The following HYDIN variants were observed in gnomAD, a reference collection of about 807,000 sequenced individuals.
HYDIN encodes axonemal central pair apparatus protein HYDIN.
In HYDIN, 132 loss-of-function variants were observed where a neutral mutation model predicts 403.9. That is an observed-to-expected ratio of 0.33 (90% CI 0.28 to 0.38). The LOEUF is 0.38. Among genes scored for constraint, HYDIN ranks in the 10% least tolerant of loss-of-function variants. The pLI is 1.00. For synonymous variants in HYDIN, 1,202 were observed against 1,891.7 expected (o/e 0.64, Z 9.46); for missense variants, 2,827 against 5,009.5 (o/e 0.56, Z 13.15).
At chr16:70,867,353 C>G (rs2039823427) in intron 66 of HYDIN, among the ~76,000 whole-genome samples, 1 of 137,066 alleles carries the variant, frequency 7.3e-6, no homozygotes, top group South Asian at 2.3e-4. Context: ...GGACATGGAT[C>G]AATAAGCTCT....
rs374866149 is a variant in HYDIN, at chr16:70,908,789, C to G, written c.8077G>C (p.Glu2693Gln). 2 of 1,614,224 alleles carry G rather than the reference C, an allele frequency of 1.2e-6. No individual in the cohort carries two copies. Among genetic ancestry groups the G allele is most frequent in the South Asian group, 2.2e-5 (2 of 91,086 alleles). Residue 2693 changes from glutamate to glutamine, a missense_variant, in exon 48 of 86, where the codon GAG becomes CAG. Physicochemically the swap from Glu to Gln is conservative, Grantham distance 29. Transcript: ENST00000393567. ...KMKEKIDQVF[E>Q]IQKDKRHMAL... is the part of the protein sequence containing the mutation. ...ATGTGACGCTTGTCTTTCTGAATCT[C>G]GAAGACTTGGTCTATCTTTTCTTTC... is the stretch of plus-strand genomic sequence containing the variant.
chr16:70,826,471 A>C (rs2036595400), intron 83 of HYDIN, among the ~76,000 whole-genome samples: 1 of 152,054 alleles, frequency 6.6e-6, no homozygotes, highest in Non-Finnish European at 1.5e-5. Context: ...ATATTCACTT[A>C]AAGTTTTCTG....
At chr16:70,884,493 C>A (rs1467664078) in intron 58 of HYDIN, among the ~76,000 whole-genome samples, 1 of 152,144 alleles carries the variant, frequency 6.6e-6, no homozygotes, top group East Asian at 1.9e-4. Flanking sequence ...TTGAGTGACA[C>A]ACGCCTGGGT....
At position 71,206,721 on chromosome 16, in the gene HYDIN, A is replaced by G. The variant is rs1351738857; in HGVS notation, c.-23-19803T>C. On this transcript the variant is annotated intron_variant, in intron 1 of 85. Transcript: ENST00000393567. ...CTGACACACAAAATAGCCAGTATAGAAAAGAATGTAACTGACCGATAGAGC... is the reference window on the plus strand; with the variant it reads ...CTGACACACAAAATAGCCAGTATAGGAAAGAATGTAACTGACCGATAGAGC... Among the ~76,000 whole-genome samples the G allele has an allele frequency of 2.0e-5, 3 of 152,378 alleles. No homozygotes were observed. The East Asian group carries it at 5.8e-4, about 29-fold the overall frequency.
intron 23 of HYDIN, among the ~76,000 whole-genome samples, chr16:70,996,163 G>C (rs2079526004): frequency 6.6e-6 from 1 of 151,998 alleles, no homozygotes; most frequent in African/African-American, 2.4e-5. Flanking sequence ...TGAGACTTCT[G>C]AAATCACATC....
At position 71,093,900 on chromosome 16, in the gene HYDIN, C is replaced by T; in HGVS notation, c.1363G>A (p.Glu455Lys). Reference protein sequence around the residue: ...EIRLPLRIKGEGMGPKIHFNF... With the variant: ...EIRLPLRIKGKGMGPKIHFNF... The stretch of plus-strand genomic sequence containing the variant: ...AAGTGAATCTTAGGTCCCATGCCTT[C>T]CCCTTTGATTCGGAGGGGCAGACGG... The change falls in exon 11 of 86, where the codon GAA (glutamate) becomes AAA (lysine). Residue 455 changes from glutamate to lysine, a missense_variant. Coordinates refer to ENST00000393567, the MANE Select transcript of HYDIN (RefSeq NM_001270974.2). 1 of 1,613,648 alleles carries T rather than the reference C, an allele frequency of 6.2e-7. No individual in the cohort carries two copies. Among genetic ancestry groups the T allele is most frequent in the South Asian group, 1.1e-5 (1 of 90,966 alleles).
chr16:70,832,960 G>A lies in HYDIN; in HGVS notation c.13787C>T (p.Thr4596Ile). 1 of 1,614,190 alleles carries A rather than the reference G, an allele frequency of 6.2e-7. No homozygotes were observed. Among genetic ancestry groups the A allele is most frequent in the Non-Finnish European group, 8.5e-7 (1 of 1,179,990 alleles). The change falls in exon 80 of 86, where the codon ACC (threonine) becomes ATC (isoleucine). Residue 4596 changes from threonine to isoleucine, a missense_variant. Thr to Ile is a moderately conservative substitution (Grantham distance 89). Coordinates refer to ENST00000393567, the MANE Select transcript of HYDIN (RefSeq NM_001270974.2). ...EVSFEVTYHP[T>I]EVGKESLCKN... Reference sequence around the variant, plus strand: ...ACAAAGGCTCTCCTTTCCCACCTCGGTGGGATGGTAGGTCACTTCAAAAGA... The same window carrying A: ...ACAAAGGCTCTCCTTTCCCACCTCGATGGGATGGTAGGTCACTTCAAAAGA...
intron 18 of HYDIN, among the ~76,000 whole-genome samples, chr16:71,058,455 AG>A (rs2081972578): frequency 1.6e-5 from 1 of 62,468 alleles, no homozygotes; most frequent in African/African-American, 6.3e-5. Flanking sequence ...GGGTGGGGGG[AG>A]GGGGGAGGGA....
chr16:71,174,379 A>G (rs2086582761), intron 5 of HYDIN, among the ~76,000 whole-genome samples: 1 of 152,182 alleles, frequency 6.6e-6, no homozygotes, highest in Non-Finnish European at 1.5e-5. Context: ...GCGGTGGAGA[A>G]GCAAGGACTC....
At chr16:71,101,574 A>G (rs1307109097) in intron 10 of HYDIN, among the ~76,000 whole-genome samples, 3 of 150,496 alleles carry the variant, frequency 2.0e-5, no homozygotes, top group Non-Finnish European at 4.4e-5. Context: ...GCCAGCCAAT[A>G]TAACATGCTA....
At chr16:71,107,717 TTGG>T (rs556833308) in intron 10 of HYDIN, among the ~76,000 whole-genome samples, 246 of 152,018 alleles carry the variant, frequency 1.6e-3, no homozygotes, top group African/African-American at 5.7e-3. Flanking sequence ...TTATACACTG[TTGG>T]TGGGAGTGTA....
At chr16:70,841,606 G>A (rs2037827227) in intron 75 of HYDIN, among the ~76,000 whole-genome samples, 1 of 152,088 alleles carries the variant, frequency 6.6e-6, no homozygotes, top group South Asian at 2.1e-4. Flanking sequence ...AGAAGTGATT[G>A]GTCATGAGGG....
intron 45 of HYDIN, among the ~76,000 whole-genome samples, chr16:70,932,030 A>C (rs868411056): frequency 8.1e-5 from 12 of 147,408 alleles, no homozygotes; most frequent in African/African-American, 2.8e-4. Context: ...AAAAAAAAAA[A>C]AAAAAGGTAA....
intron 1 of HYDIN, among the ~76,000 whole-genome samples, chr16:71,198,392 A>T (rs1413425061): frequency 5.3e-5 from 8 of 152,192 alleles, no homozygotes; most frequent in South Asian, 4.1e-4. Flanking sequence ...AAACTGCTAG[A>T]TCATAGAGTA....
At chr16:71,198,648 G>A (rs1415534762) in intron 1 of HYDIN, among the ~76,000 whole-genome samples, 4 of 152,120 alleles carry the variant, frequency 2.6e-5, no homozygotes, top group Non-Finnish European at 5.9e-5. Context: ...TACTTTCCAG[G>A]GTCCCTCAGC....
At chr16:71,082,705 T>C (rs558402715) in intron 12 of HYDIN, among the ~76,000 whole-genome samples, 5 of 130,638 alleles carry the variant, frequency 3.8e-5, no homozygotes, top group African/African-American at 1.7e-4. Flanking sequence ...CCTTAACCTA[T>C]TTAGACATTG....
At chr16:71,178,434 A>AAAT (rs1555501894) in intron 4 of HYDIN, among the ~76,000 whole-genome samples, 3,868 of 94,414 alleles carry the variant, frequency 0.041, 116 homozygotes, top group Non-Finnish European at 0.06. Context: ...AAAAAAAAAA[A>AAAT]ATATATATAT....
chr16:70,928,527 A>C (rs1208434317), intron 45 of HYDIN, among the ~76,000 whole-genome samples: 4 of 150,664 alleles, frequency 2.7e-5, no homozygotes, highest in African/African-American at 9.7e-5. Context: ...AATTATTCTA[A>C]GACTCTTGCA....
intron 75 of HYDIN, among the ~76,000 whole-genome samples, chr16:70,841,234 T>C (rs556296962): frequency 3.3e-5 from 5 of 152,292 alleles, no homozygotes; most frequent in East Asian, 1.9e-4. Context: ...GCTTTTAAAG[T>C]GTTTACATTT....
Sources: gnomAD v4.1 joint callset for allele counts (sites outside exome capture counted in the v4.1 genomes callset) on GRCh38, gnomAD v4.1.1 for gene constraint, MANE v1.5 for transcripts, NCBI Gene and HGNC (gene_info 2026-07-23, HGNC 2026-07-21) for gene names.